The following CHD6 variants were observed in gnomAD, a reference collection of about 807,000 sequenced individuals.
CHD6 encodes the protein ATP-dependent chromatin remodeler CHD6.
In CHD6, 50 loss-of-function variants were observed where a neutral mutation model predicts 276.9. That is an observed-to-expected ratio of 0.18 (90% CI 0.14 to 0.23). The LOEUF is 0.23. CHD6 is among the 10% of genes least tolerant of loss of function. CHD6 has a pLI of 1.00. For synonymous variants in CHD6, 1,173 were observed against 1,229.3 expected (o/e 0.95, Z 0.96); for missense variants, 2,564 against 3,365.8 (o/e 0.76, Z 5.89).
rs143559818 is a variant in CHD6 at position 41,533,908 on chromosome 20, A to G, written c.34-338T>C. Among the ~76,000 whole-genome samples the G allele has an allele frequency of 5.3e-5, 8 of 152,330 alleles. No homozygotes were observed. The East Asian group carries it at 1.3e-3, about 26-fold the overall frequency. On this transcript the variant is annotated intron_variant, in intron 2 of 36. Transcript: ENST00000373233. ...TAACCTTTAGCCACTTGCAAAAACC[A>G]AACTACCTGTATAGGAGGAAGTTTT...
At chr20:41,435,603 CA>C (rs34895530) in intron 27 of CHD6, among the ~76,000 whole-genome samples, 12,314 of 110,160 alleles carry the variant, frequency 0.11, 484 homozygotes, top group Non-Finnish European at 0.13. Flanking sequence ...GACCCTGAGT[CA>C]AAAAAAAAAA....
At chr20:41,579,437 C>CAAAAAA (rs574347177) in intron 1 of CHD6, among the ~76,000 whole-genome samples, 1 of 69,972 alleles carries the variant, frequency 1.4e-5, no homozygotes, top group Non-Finnish European at 2.7e-5. Flanking sequence ...GACTCTGTCT[C>CAAAAAA]AAAAAAAAAA....
intron 17 of CHD6, among the ~76,000 whole-genome samples, chr20:41,459,907 CAGA>C (rs1334173053): frequency 2.0e-5 from 3 of 152,214 alleles, no homozygotes; most frequent in African/African-American, 4.8e-5. Context: ...TTGGAAGGTT[CAGA>C]AGAAGATAAA....
intron 36 of CHD6, among the ~76,000 whole-genome samples, chr20:41,409,045 G>A (rs2046767105): frequency 6.6e-6 from 1 of 152,238 alleles, no homozygotes; most frequent in Admixed American, 6.5e-5. Context: ...TTTCAGAAAT[G>A]AGAACTTGCT....
chr20:41,553,316 G>A (rs753187331), intron 1 of CHD6, among the ~76,000 whole-genome samples: 5 of 152,206 alleles, frequency 3.3e-5, no homozygotes, highest in Non-Finnish European at 7.3e-5. Context: ...GTTAGAAGTA[G>A]TAGTTTCTTT....
intron 1 of CHD6, among the ~76,000 whole-genome samples, chr20:41,604,306 T>C (rs182966201): frequency 5.9e-5 from 9 of 152,058 alleles, no homozygotes; most frequent in Middle Eastern, 3.4e-3. Flanking sequence ...CAAGAAAGAA[T>C]AGCATGCCCA....
chr20:41,603,665 A>T (rs2045796286), intron 1 of CHD6, among the ~76,000 whole-genome samples: 1 of 152,176 alleles, frequency 6.6e-6, no homozygotes, highest in Non-Finnish European at 1.5e-5. Context: ...CAGGAGTTGG[A>T]GACCAGCTTG....
chr20:41,603,334 T>C (rs2045792363), intron 1 of CHD6, among the ~76,000 whole-genome samples: 1 of 151,986 alleles, frequency 6.6e-6, no homozygotes, highest in Non-Finnish European at 1.5e-5. Flanking sequence ...AGAGTGAGAC[T>C]CCATCTCAGA....
chr20:41,617,709 G>T (rs2045946939), intron 1 of CHD6, among the ~76,000 whole-genome samples: 1 of 152,080 alleles, frequency 6.6e-6, no homozygotes, highest in Non-Finnish European at 1.5e-5. Context: ...CCAATTTTCG[G>T]GGCGAGTGCG....
At chr20:41,607,834 C>T (rs1041981143) in intron 1 of CHD6, among the ~76,000 whole-genome samples, 3 of 151,194 alleles carry the variant, frequency 2.0e-5, no homozygotes, top group African/African-American at 7.3e-5. Context: ...CTTGCTTACA[C>T]TATGTAATCA....
chr20:41,404,012 T>C lies in CHD6; in HGVS notation c.*581A>G. On this transcript the variant is annotated 3_prime_UTR_variant, in exon 37 of 37. Transcript: ENST00000373233. The stretch of plus-strand genomic sequence containing the variant: ...TATATTACTACCGGTAAGGTTTTTG[T>C]TTTTTATAAAGAAATGAATATATGT... The C allele has an allele frequency of 9.5e-7, 1 of 1,051,514 alleles. No individual in the cohort carries two copies. Among genetic ancestry groups the C allele is most frequent in the Non-Finnish European group, 1.1e-6 (1 of 870,476 alleles). 65.1% of individuals were successfully genotyped at this position (1,051,514 alleles called of 1,614,324 possible). A position where few individuals can be genotyped will look rare whatever the true frequency, so the allele number is the denominator to read the frequency against.
intron 1 of CHD6, among the ~76,000 whole-genome samples, chr20:41,614,966 A>C (rs1482379400): frequency 6.6e-6 from 1 of 152,234 alleles, no homozygotes; most frequent in Non-Finnish European, 1.5e-5. Context: ...CAAATTCCTG[A>C]AACGGAAAAG....
At chr20:41,456,025 G>A (rs2048367590) in intron 18 of CHD6, 46 bp from the exon 19 acceptor site, 2 of 1,450,148 alleles carry the variant, frequency 1.4e-6, no homozygotes, top group Non-Finnish European at 1.8e-6. Flanking sequence ...AAATGTATAG[G>A]AGAAAAACAG....
At position 41,491,782 on chromosome 20, in the gene CHD6, T is replaced by C. The variant is rs570329458; in HGVS notation, c.1352A>G (p.Lys451Arg). The change falls in exon 11 of 37, where the codon AAG becomes AGG. Residue 451 changes from lysine (K) to arginine (R), a missense_variant. Transcript: ENST00000373233. ...PASDSWQKLE[K>R]SREYKNSNQL... ...GTTACTGTTCTTATACTCGCGAGACTTCTCAAGTTTCTGCCAGGAGTCTGA... is the reference window on the plus strand; with the variant it reads ...GTTACTGTTCTTATACTCGCGAGACCTCTCAAGTTTCTGCCAGGAGTCTGA... The C allele has an allele frequency of 6.2e-7, 1 of 1,613,896 alleles. No individual in the cohort carries two copies. The highest frequency in any genetic ancestry group is 1.3e-5 in the African/African-American group (1 of 75,020).
At position 41,412,201 on chromosome 20, in the gene CHD6, G is replaced by A; in HGVS notation, c.7194C>T (p.Val2398=). The stretch of plus-strand genomic sequence containing the variant: ...CTCTCTCTTCCCCGCTCAGGGAGCT[G>A]ACATCTAATTTTCCAGGTTCTTTAC... The part of the protein sequence containing the change: ...PRCKEPGKLD[V]SSLSGEERVP... The change falls in exon 36 of 37, where the codon GTC becomes GTT. Residue 2398 remains valine (V), a synonymous_variant. Coordinates refer to ENST00000373233, the MANE Select transcript of CHD6 (RefSeq NM_032221.5). 1 of 1,614,206 alleles carries A rather than the reference G, an allele frequency of 6.2e-7. No individual in the cohort carries two copies. The highest frequency in any genetic ancestry group is 1.1e-5 in the South Asian group (1 of 91,080).
At chr20:41,435,953 C>G (rs2047695725) in intron 27 of CHD6, among the ~76,000 whole-genome samples, 1 of 151,968 alleles carries the variant, frequency 6.6e-6, no homozygotes, top group South Asian at 2.1e-4. Flanking sequence ...GAAATAGAAC[C>G]CACAAATATG....
chr20:41,595,228 T>C (rs1728361591), intron 1 of CHD6, among the ~76,000 whole-genome samples: 1 of 152,054 alleles, frequency 6.6e-6, no homozygotes, highest in African/African-American at 2.4e-5. Context: ...CACAGACCAA[T>C]GTAAGAAAAT....
intron 1 of CHD6, among the ~76,000 whole-genome samples, chr20:41,610,330 C>T (rs568783111): frequency 1.3e-5 from 2 of 152,110 alleles, no homozygotes; most frequent in African/African-American, 4.8e-5. Context: ...GAATATGCAA[C>T]CCCGAATGAA....
chr20:41,611,941 C>G (rs779803358), intron 1 of CHD6, among the ~76,000 whole-genome samples: 1 of 152,128 alleles, frequency 6.6e-6, no homozygotes, highest in Non-Finnish European at 1.5e-5. Context: ...CCTGGCAAAA[C>G]TTGCATTTCT....
Sources: gnomAD v4.1 joint callset for allele counts (sites outside exome capture counted in the v4.1 genomes callset) on GRCh38, gnomAD v4.1.1 for gene constraint, MANE v1.5 for transcripts, NCBI Gene and HGNC (gene_info 2026-07-23, HGNC 2026-07-21) for gene names.